LINGO2: variants seen among roughly 807,000 people sequenced by gnomAD.
LINGO2 encodes the protein leucine-rich repeat and immunoglobulin-like domain-containing nogo receptor-interacting protein 2.
A neutral mutation model predicts 30.6 loss-of-function variants in LINGO2; 14 were observed. That is an observed-to-expected ratio of 0.46 (90% CI 0.30 to 0.72). LINGO2 has a LOEUF of 0.72. Among genes scored for constraint, LINGO2 ranks in the 30% least tolerant of loss-of-function variants. The probability of loss-of-function intolerance (pLI) is 0.07; values close to 1 mark genes in which losing one functional copy is unlikely to be tolerated. For missense variants in LINGO2, 729 were observed against 751.7 expected, an observed-to-expected ratio of 0.97 and a Z score of 0.35; for synonymous variants, 317 against 288.5, an observed-to-expected ratio of 1.10 and a Z score of -1.00.
chr9:29,029,118 T>C, the LINGO2 span, among the ~76,000 whole-genome samples: 1 of 152,070 alleles, frequency 6.6e-6, no homozygotes, highest in African/African-American at 2.4e-5. Context: ...GATTTAACCT[T>C]TCATCTCTGA....
At chr9:28,271,103 G>C (rs555979527) in intron 4 of LINGO2, among the ~76,000 whole-genome samples, 3 of 151,642 alleles carry the variant, frequency 2.0e-5, no homozygotes, top group African/African-American at 7.2e-5. Flanking sequence ...CAAGAACATA[G>C]TCCTCTTGAT....
intron 1 of LINGO2, among the ~76,000 whole-genome samples, chr9:28,559,765 G>T (rs1013942584): frequency 2.6e-5 from 4 of 151,582 alleles, no homozygotes; most frequent in Non-Finnish European, 4.4e-5. Context: ...GTCCTTTTAT[G>T]TTTGCCAGTA....
chr9:29,101,496 T>C, the LINGO2 span, among the ~76,000 whole-genome samples: 4 of 152,314 alleles, frequency 2.6e-5, no homozygotes, highest in East Asian at 7.7e-4. Flanking sequence ...GGCCTTTTTG[T>C]AGCTATTAAC....
At chr9:28,695,106 A>G in the LINGO2 span, among the ~76,000 whole-genome samples, 1 of 151,852 alleles carries the variant, frequency 6.6e-6, no homozygotes, top group African/African-American at 2.4e-5. Context: ...GAACAAGAAA[A>G]CATTTCAATT....
intron 4 of LINGO2, among the ~76,000 whole-genome samples, chr9:28,192,438 C>A (rs1342337175): frequency 1.3e-5 from 2 of 152,128 alleles, no homozygotes; most frequent in East Asian, 1.9e-4. Context: ...ATCACTGATG[C>A]CGTGCCTACC....
At chr9:28,122,397 C>G (rs1827121596) in intron 4 of LINGO2, among the ~76,000 whole-genome samples, 2 of 152,186 alleles carry the variant, frequency 1.3e-5, no homozygotes, top group African/African-American at 4.8e-5. Flanking sequence ...TAGGGCTTCA[C>G]TACATTCCAA....
intron 2 of LINGO2, among the ~76,000 whole-genome samples, chr9:28,384,348 T>TGC (rs1554714430): frequency 6.7e-6 from 1 of 149,476 alleles, no homozygotes; most frequent in Non-Finnish European, 1.5e-5. Context: ...TATATATATA[T>TGC]ATGCCTGTGT....
chr9:28,127,119 T>C (rs1367261138), intron 4 of LINGO2, among the ~76,000 whole-genome samples: 1 of 152,220 alleles, frequency 6.6e-6, no homozygotes, highest in Non-Finnish European at 1.5e-5. Flanking sequence ...GTCTACAAGA[T>C]AGCCCCTGGC....
intron 1 of LINGO2, chr9:28,599,243 T>C (rs955831835): frequency 2.6e-5 from 4 of 152,186 alleles, no homozygotes; most frequent in African/African-American, 9.7e-5. Flanking sequence ...AACTGCTCCA[T>C]CCTGAAGGTA....
At chr9:28,419,678 A>G (rs1337920618) in intron 2 of LINGO2, among the ~76,000 whole-genome samples, 1 of 151,828 alleles carries the variant, frequency 6.6e-6, no homozygotes, top group East Asian at 1.9e-4. Context: ...AGCCAAAAAT[A>G]AAAAAATCAG....
the LINGO2 span, among the ~76,000 whole-genome samples, chr9:28,922,182 T>G: frequency 6.6e-6 from 1 of 152,206 alleles, no homozygotes; most frequent in South Asian, 2.1e-4. Flanking sequence ...AGCTTTGACT[T>G]TCACCAATAA....
the LINGO2 span, among the ~76,000 whole-genome samples, chr9:28,741,285 T>C: frequency 2.6e-5 from 4 of 152,084 alleles, no homozygotes; most frequent in Middle Eastern, 3.4e-3. Flanking sequence ...TCAGGGGTGG[T>C]GACCTGATGC....
At chr9:28,507,760 A>G (rs537476453) in intron 1 of LINGO2, among the ~76,000 whole-genome samples, 5 of 152,140 alleles carry the variant, frequency 3.3e-5, no homozygotes, top group Non-Finnish European at 5.9e-5. Context: ...AAAGGCTTTC[A>G]TGTACTACAT....
At position 28,317,332 on chromosome 9, in the gene LINGO2, G is replaced by C. The variant is rs538485283; in HGVS notation, c.-245-21966C>G. Among the ~76,000 whole-genome samples the C allele has an allele frequency of 2.6e-5, 4 of 152,228 alleles. No homozygotes were observed. In the East Asian group the frequency reaches 7.7e-4, roughly 29 times the overall value. ...TCTCAGTTGGAGAGCTAGAAGAAAAGTTTCTGATGAAGATTTCTCCCTAAT... is the reference window on the plus strand; with the variant it reads ...TCTCAGTTGGAGAGCTAGAAGAAAACTTTCTGATGAAGATTTCTCCCTAAT... On this transcript the variant is annotated intron_variant, in intron 3 of 5. Transcript: ENST00000379992.
intron 4 of LINGO2, among the ~76,000 whole-genome samples, chr9:28,029,211 A>G (rs1295648512): frequency 2.6e-5 from 4 of 152,162 alleles, no homozygotes; most frequent in Admixed American, 2.0e-4. Flanking sequence ...TAGAACAGTG[A>G]TTTTCAAACT....
chr9:28,616,328 C>A (rs987241543), intron 1 of LINGO2, among the ~76,000 whole-genome samples: 6 of 152,084 alleles, frequency 3.9e-5, no homozygotes, highest in Admixed American at 2.0e-4. Context: ...TGCACATACA[C>A]ACATGTGAAA....
At chr9:28,562,020 T>C (rs1823114470) in intron 1 of LINGO2, among the ~76,000 whole-genome samples, 1 of 151,786 alleles carries the variant, frequency 6.6e-6, no homozygotes, top group Non-Finnish European at 1.5e-5. Context: ...TTGATGTATC[T>C]GCAATAGCCA....
At chr9:28,003,522 A>C (rs993230517) in intron 5 of LINGO2, among the ~76,000 whole-genome samples, 6 of 152,082 alleles carry the variant, frequency 3.9e-5, no homozygotes, top group South Asian at 2.1e-4. Flanking sequence ...ACAGTGGCAC[A>C]ATCTCGGCTC....
At chr9:28,990,176 T>TA in the LINGO2 span, among the ~76,000 whole-genome samples, 1 of 151,948 alleles carries the variant, frequency 6.6e-6, no homozygotes, top group Non-Finnish European at 1.5e-5. Flanking sequence ...CTGACAGGAT[T>TA]AAAAAAAGGC....
Sources: allele counts gnomAD v4.1 joint callset (sites outside exome capture counted in the v4.1 genomes callset), GRCh38; gene constraint gnomAD v4.1.1; transcripts MANE v1.5; gene names NCBI Gene and HGNC (gene_info 2026-07-23, HGNC 2026-07-21).